The following SPOCK1 variants were observed in gnomAD, a reference collection of about 807,000 sequenced individuals.
SPOCK1 encodes the protein SPARC (osteonectin), cwcv and kazal like domains proteoglycan 1.
Under a neutral mutation model 55.3 loss-of-function variants are expected in SPOCK1, and 23 were observed. The observed-to-expected ratio is 0.42, with a 90% CI of 0.30 to 0.59. The LOEUF (loss-of-function observed/expected upper bound fraction) is 0.59, where lower values mean the gene tolerates loss of function less well. SPOCK1 is among the 20% of genes least tolerant of loss of function. SPOCK1 has a pLI of 0.22. For synonymous variants in SPOCK1, 226 were observed against 221.0 expected (o/e 1.02, Z -0.20); for missense variants, 499 against 552.5 (o/e 0.90, Z 0.97).
intron 6 of SPOCK1, among the ~76,000 whole-genome samples, chr5:137,013,208 ATTTCTTTTTAGGT>A (rs140228858): frequency 0.024 from 3,583 of 151,464 alleles, 107 homozygotes; most frequent in African/African-American, 0.065. Flanking sequence ...TCATTTTGTG[ATTTCTTTTTAGGT>A]TTTGTTTTGT....
At chr5:137,129,461 A>T (rs936206062) in intron 4 of SPOCK1, among the ~76,000 whole-genome samples, 2 of 152,208 alleles carry the variant, frequency 1.3e-5, no homozygotes, top group Non-Finnish European at 2.9e-5. Context: ...TCTTGCTCAA[A>T]TCAGCCTCCC....
At chr5:137,226,830 A>G (rs1156448321) in intron 3 of SPOCK1, among the ~76,000 whole-genome samples, 3 of 152,172 alleles carry the variant, frequency 2.0e-5, no homozygotes, top group African/African-American at 7.2e-5. Context: ...TATACCTCAC[A>G]TGTTATAGTA....
intron 9 of SPOCK1, among the ~76,000 whole-genome samples, chr5:136,980,181 CA>C (rs11288318): frequency 0.59 from 78,676 of 134,408 alleles, 24,938 homozygotes; most frequent in Non-Finnish European, 0.73. Context: ...TGTTTGCAGG[CA>C]AAAAAAAAAA....
intron 2 of SPOCK1, among the ~76,000 whole-genome samples, chr5:137,494,091 G>A (rs921383538): frequency 4.6e-5 from 7 of 152,174 alleles, no homozygotes; most frequent in African/African-American, 1.7e-4. Flanking sequence ...CCCGCTAAAG[G>A]TAATTATCCT....
intron 5 of SPOCK1, among the ~76,000 whole-genome samples, chr5:137,103,541 A>G (rs1198546664): frequency 2.0e-5 from 3 of 152,220 alleles, no homozygotes. Context: ...ACTGAGAATG[A>G]CAGCAGACTA....
chr5:137,004,518 C>T (rs1226201576), intron 6 of SPOCK1, among the ~76,000 whole-genome samples: 2 of 152,040 alleles, frequency 1.3e-5, no homozygotes, highest in African/African-American at 4.8e-5. Flanking sequence ...CAGAGAGGAT[C>T]GTGTGACTGG....
chr5:137,281,518 A>T (rs979183601), intron 2 of SPOCK1, among the ~76,000 whole-genome samples: 1 of 152,244 alleles, frequency 6.6e-6, no homozygotes, highest in African/African-American at 2.4e-5. Context: ...CCCTATTAAG[A>T]AATGAAAGAT....
intron 5 of SPOCK1, among the ~76,000 whole-genome samples, chr5:137,089,662 A>G (rs1753020776): frequency 6.6e-6 from 1 of 152,164 alleles, no homozygotes; most frequent in Admixed American, 6.5e-5. Context: ...ATAAACTTTA[A>G]TGTCTCTACT....
At chr5:137,262,060 A>G (rs1161492322) in intron 3 of SPOCK1, among the ~76,000 whole-genome samples, 1 of 152,146 alleles carries the variant, frequency 6.6e-6, no homozygotes, top group Non-Finnish European at 1.5e-5. Flanking sequence ...ATAAGTTTCC[A>G]TTTTCTTCTT....
At chr5:137,426,363 C>T (rs1468196200) in intron 2 of SPOCK1, among the ~76,000 whole-genome samples, 1 of 152,214 alleles carries the variant, frequency 6.6e-6, no homozygotes, top group Non-Finnish European at 1.5e-5. Flanking sequence ...GAATTCTGGA[C>T]ACCCAATGTG....
intron 2 of SPOCK1, among the ~76,000 whole-genome samples, chr5:137,449,048 C>A (rs2149834114): frequency 6.6e-6 from 1 of 152,344 alleles, no homozygotes; most frequent in Non-Finnish European, 1.5e-5. Context: ...TACCCTCAGG[C>A]CCTGCTTCAA....
intron 6 of SPOCK1, among the ~76,000 whole-genome samples, chr5:137,025,198 T>C (rs150806587): frequency 4.3e-4 from 65 of 152,300 alleles, no homozygotes; most frequent in African/African-American, 1.5e-3. Context: ...ATTGTAATTA[T>C]AGTCAACGAT....
At chr5:137,298,221 C>A (rs1223053044) in intron 2 of SPOCK1, among the ~76,000 whole-genome samples, 3 of 152,158 alleles carry the variant, frequency 2.0e-5, no homozygotes. Flanking sequence ...GCTGACCATA[C>A]CCCACCCTGA....
intron 3 of SPOCK1, among the ~76,000 whole-genome samples, chr5:137,177,307 C>T (rs955945060): frequency 1.6e-4 from 24 of 152,158 alleles, no homozygotes; most frequent in African/African-American, 5.6e-4. Context: ...AGGTGTCCTG[C>T]AGTACAGGTC....
chr5:137,064,162 G>T lies in SPOCK1; in HGVS notation c.589+3553C>A, dbSNP rs77154358. On this transcript the variant is annotated intron_variant, in intron 6 of 10. Coordinates refer to ENST00000394945, the MANE Select transcript of SPOCK1 (RefSeq NM_004598.4). ...GTTAAGAACTCCATCCAAGGGGATG[G>T]ATCCCAAAGAAAAAGAAAACACCAG... is the stretch of plus-strand genomic sequence containing the variant. Among the ~76,000 whole-genome samples the T allele has an allele frequency of 5.9e-5, 9 of 152,190 alleles. No homozygotes were observed. In the East Asian group the frequency reaches 1.7e-3, roughly 29 times the overall value.
intron 2 of SPOCK1, among the ~76,000 whole-genome samples, chr5:137,393,178 C>T (rs1337281643): frequency 6.6e-6 from 1 of 152,140 alleles, no homozygotes; most frequent in Non-Finnish European, 1.5e-5. Context: ...ATTAGGGGTC[C>T]CAATTCTTCA....
At chr5:137,240,782 T>C (rs756333801) in intron 3 of SPOCK1, among the ~76,000 whole-genome samples, 4 of 151,822 alleles carry the variant, frequency 2.6e-5, no homozygotes, top group South Asian at 2.1e-4. Flanking sequence ...AGAAAAGTCA[T>C]GAGGAAGGAC....
intron 2 of SPOCK1, among the ~76,000 whole-genome samples, chr5:137,397,808 C>T (rs1034057397): frequency 1.3e-5 from 2 of 152,172 alleles, no homozygotes; most frequent in African/African-American, 4.8e-5. Context: ...CTGGCTCTCA[C>T]ATATTCAAGA....
rs34828127 is a variant in SPOCK1, at chr5:137,301,636, C to CTTTTTTTTTTTTTTTTTTTTTT, written c.187-34582_187-34581insAAAAAAAAAAAAAAAAAAAAAA. Among the ~76,000 whole-genome samples the CTTTTTTTTTTTTTTTTTTTTTT allele has an allele frequency of 6.9e-5, 9 of 129,798 alleles. 4 individuals are homozygous for CTTTTTTTTTTTTTTTTTTTTTT. The highest frequency in any genetic ancestry group is 5.9e-5 in the African/African-American group (2 of 33,756). 85.2% of individuals were successfully genotyped at this position (129,798 alleles called of 152,430 possible). A position where few individuals can be genotyped will look rare whatever the true frequency, so the allele number is the denominator to read the frequency against. ...ACATACTCATTAAGCATTTCGTCTCCTTTTTTTTTTTTTTTTTTTGAGTAT... is the reference window on the plus strand; with the variant it reads ...ACATACTCATTAAGCATTTCGTCTCCTTTTTTTTTTTTTTTTTTTTTTTTTTTTTTTTTTTTTTTTTGAGTAT... On this transcript the variant is annotated intron_variant, in intron 2 of 10. Coordinates refer to ENST00000394945, the MANE Select transcript of SPOCK1 (RefSeq NM_004598.4).
Sources: gnomAD v4.1 joint callset for allele counts (sites outside exome capture counted in the v4.1 genomes callset) on GRCh38, gnomAD v4.1.1 for gene constraint, MANE v1.5 for transcripts, NCBI Gene and HGNC (gene_info 2026-07-23, HGNC 2026-07-21) for gene names.